SLC3A1: variants seen among roughly 807,000 people sequenced by gnomAD.
SLC3A1 encodes the protein amino acid transporter heavy chain SLC3A1.
In SLC3A1, 78 loss-of-function variants were observed where a neutral mutation model predicts 60.3. That is an observed-to-expected ratio of 1.29 (90% CI 1.08 to 1.56). The LOEUF (loss-of-function observed/expected upper bound fraction) is 1.56. Ranked by LOEUF, SLC3A1 falls within the 40% of genes most tolerant of loss-of-function variation. SLC3A1 has a pLI of 0.00. For synonymous variants in SLC3A1, 392 were observed against 307.9 expected, an observed-to-expected ratio of 1.27 and a Z score of -2.86; for missense variants, 1,172 against 858.9, an observed-to-expected ratio of 1.36 and a Z score of -4.56.
intron 7 of SLC3A1, among the ~76,000 whole-genome samples, chr2:44,306,900 T>G (rs966764704): frequency 6.6e-6 from 1 of 151,584 alleles, no homozygotes; most frequent in Non-Finnish European, 1.5e-5. Flanking sequence ...GGATTTTCGG[T>G]ATATTCACAG....
intron 4 of SLC3A1, among the ~76,000 whole-genome samples, chr2:44,287,252 T>A (rs1341953266): frequency 6.6e-6 from 1 of 152,058 alleles, no homozygotes; most frequent in Non-Finnish European, 1.5e-5. Context: ...CAGGTAGAAG[T>A]GGCTCTTCTA....
At chr2:44,280,582 T>C (rs897989209) in intron 1 of SLC3A1, 134 bp from the exon 2 acceptor site, 2 of 684,416 alleles carry the variant, frequency 2.9e-6, no homozygotes, top group South Asian at 1.7e-5. Flanking sequence ...ATTTGAATTA[T>C]ACTCAAATTC....
At chr2:44,298,892 T>A (rs1370727558) in intron 4 of SLC3A1, among the ~76,000 whole-genome samples, 2 of 152,150 alleles carry the variant, frequency 1.3e-5, no homozygotes, top group Non-Finnish European at 2.9e-5. Context: ...ATAATTGGGT[T>A]TCTAGCACAC....
intron 4 of SLC3A1, among the ~76,000 whole-genome samples, chr2:44,286,653 G>A (rs1231657462): frequency 1.4e-5 from 2 of 143,226 alleles, no homozygotes; most frequent in African/African-American, 2.6e-5. Context: ...TGTCTGTGAC[G>A]GTGAGCTGTG....
rs757801204 is a variant in SLC3A1 at position 44,320,353 on chromosome 2, G to A, written c.1772G>A (p.Arg591Lys). ...ACAAGAGAGCTGGATGGCATCGACA[G>A]AATCTTTATCGTGGTTCTGAATTTT... ...VYTRELDGIDRIFIVVLNFGE... is the reference protein window; with the variant it reads ...VYTRELDGIDKIFIVVLNFGE... The change falls in exon 10 of 10, where the codon AGA becomes AAA. Residue 591 changes from arginine (R) to lysine (K), a missense_variant. Transcript: ENST00000260649. 1 of 1,614,142 alleles carries A rather than the reference G, an allele frequency of 6.2e-7. No homozygotes were observed. Among genetic ancestry groups the A allele is most frequent in the Non-Finnish European group, 8.5e-7 (1 of 1,179,982 alleles).
chr2:44,286,235 T>A, intron 4 of SLC3A1, 78 bp downstream of exon 4: 1 of 1,398,996 alleles, frequency 7.1e-7, no homozygotes, highest in Non-Finnish European at 1.0e-6. Context: ...TATTGCACAG[T>A]AATTGTGTAG....
intron 4 of SLC3A1, among the ~76,000 whole-genome samples, chr2:44,288,946 C>T (rs575840393): frequency 4.7e-5 from 7 of 150,444 alleles, no homozygotes; most frequent in African/African-American, 7.3e-5. Flanking sequence ...GTGATTCTTG[C>T]GCCTCAGCTT....
In SLC3A1 at chr2:44,320,114, A is replaced by G. The variant is rs1672797020; in HGVS notation, c.1618-85A>G. On this transcript the variant is annotated intron_variant, in intron 9 of 9. Transcript: ENST00000260649. ...CAAAATTGGAGCAAGTGTTTTGGGT[A>G]AATAACTCCTTACAATATATTAAAA... is the stretch of plus-strand genomic sequence containing the variant. The G allele has an allele frequency of 2.2e-5, 27 of 1,237,190 alleles. No individual in the cohort carries two copies. In the South Asian group the frequency reaches 3.7e-4, roughly 17 times the overall value. The allele number at this position is 1,237,190 out of a possible 1,614,324, so 76.6% of individuals were successfully genotyped here.
Position 44,286,020 on chromosome 2 carries a change from T to C in SLC3A1, c.766-12T>C. Reference sequence around the variant, plus strand: ...TATAGGTCACTGATGTGCTGTTTTCTTTGTTTGCCAGTTAAGTGTGTATGG... The same window carrying C: ...TATAGGTCACTGATGTGCTGTTTTCCTTGTTTGCCAGTTAAGTGTGTATGG... On this transcript the variant is annotated splice_polypyrimidine_tract_variant and intron_variant, in intron 3 of 9. Transcript: ENST00000260649. The C allele has an allele frequency of 6.2e-7, 1 of 1,614,186 alleles. No individual in the cohort carries two copies. The highest frequency in any genetic ancestry group is 8.5e-7 in the Non-Finnish European group (1 of 1,179,994).
intron 4 of SLC3A1, among the ~76,000 whole-genome samples, chr2:44,287,330 G>C (rs2104344418): frequency 6.6e-6 from 1 of 152,222 alleles, no homozygotes; most frequent in South Asian, 2.1e-4. Context: ...AAGTGAGAAA[G>C]GAACCATGTG....
intron 3 of SLC3A1, 134 bp from the exon 4 acceptor site, chr2:44,285,898 C>A: frequency 1.7e-6 from 2 of 1,170,106 alleles, no homozygotes; most frequent in Non-Finnish European, 2.6e-6. Context: ...GTTTCTTTAA[C>A]CTGCTGCTCT....
intron 7 of SLC3A1, among the ~76,000 whole-genome samples, chr2:44,305,586 C>G (rs951352492): frequency 6.6e-6 from 1 of 151,804 alleles, no homozygotes; most frequent in South Asian, 2.1e-4. Flanking sequence ...CGCCACCATG[C>G]CTGGCTAATT....
chr2:44,306,168 A>G (rs1672151805), intron 7 of SLC3A1, among the ~76,000 whole-genome samples: 1 of 152,180 alleles, frequency 6.6e-6, no homozygotes, highest in African/African-American at 2.4e-5. Context: ...ACTAGTCAAT[A>G]TCTTCTGTTG....
At chr2:44,289,930 C>T (rs1671701388) in intron 4 of SLC3A1, among the ~76,000 whole-genome samples, 3 of 151,548 alleles carry the variant, frequency 2.0e-5, no homozygotes, top group Admixed American at 2.0e-4. Context: ...TGCGCCTGGC[C>T]CAATTTATTT....
chr2:44,292,892 AT>A (rs1230461683), intron 4 of SLC3A1, among the ~76,000 whole-genome samples: 13 of 151,542 alleles, frequency 8.6e-5, no homozygotes, highest in Non-Finnish European at 1.5e-4. Context: ...TTTTATTTTT[AT>A]TTTTTTTCAA....
chr2:44,313,941 T>C lies in SLC3A1; in HGVS notation c.1607T>C (p.Val536Ala). ...CCTACCAATTCAGATTACCACACTGTGAATGTTGATGTAAGTATCAGTGAA... is the reference window on the plus strand; with the variant it reads ...CCTACCAATTCAGATTACCACACTGCGAATGTTGATGTAAGTATCAGTGAA... ...WLPTNSDYHTVNVDVQKTQPR... is the reference protein window; with the variant it reads ...WLPTNSDYHTANVDVQKTQPR... The change falls in exon 9 of 10, where the codon GTG (valine) becomes GCG (alanine). Residue 536 changes from valine to alanine, a missense_variant. Transcript: ENST00000260649. 1 of 1,614,086 alleles carries C rather than the reference T, an allele frequency of 6.2e-7. No individual in the cohort carries two copies. Among genetic ancestry groups the C allele is most frequent in the Non-Finnish European group, 8.5e-7 (1 of 1,179,976 alleles).
chr2:44,317,746 C>G (rs1000423905), intron 9 of SLC3A1: 8 of 152,062 alleles, frequency 5.3e-5, no homozygotes, highest in African/African-American at 1.9e-4. Flanking sequence ...ATTATACAGT[C>G]AATCCAACAA....
At chr2:44,318,949 CTTCAACATACTT>C (rs1458750996) in intron 9 of SLC3A1, 1 of 152,134 alleles carries the variant, frequency 6.6e-6, no homozygotes, top group Non-Finnish European at 1.5e-5. Flanking sequence ...CAGAAAAAGA[CTTCAACATACTT>C]TTAGAAAGTA....
intron 4 of SLC3A1, among the ~76,000 whole-genome samples, chr2:44,296,908 C>T (rs563776986): frequency 6.6e-6 from 1 of 152,284 alleles, no homozygotes; most frequent in South Asian, 2.1e-4. Flanking sequence ...TGCACAAACT[C>T]TCTCGCCTGC....
Sources: gnomAD v4.1 joint callset for allele counts (sites outside exome capture counted in the v4.1 genomes callset) on GRCh38, gnomAD v4.1.1 for gene constraint, MANE v1.5 for transcripts, NCBI Gene and HGNC (gene_info 2026-07-23, HGNC 2026-07-21) for gene names.